The following VWF variants were observed in gnomAD, a reference collection of about 807,000 sequenced individuals.
The protein encoded by VWF is von Willebrand factor, also known as Factor VIII related antigen.
Under a neutral mutation model 308.6 loss-of-function variants are expected in VWF, and 176 were observed. The observed-to-expected ratio is 0.57, with a 90% confidence interval of 0.50 to 0.65. The LOEUF is 0.65. Among genes scored for constraint, VWF ranks in the 30% least tolerant of loss-of-function variants. VWF has a pLI of 0.00. For synonymous variants in VWF, 1,385 were observed against 1,443.4 expected (o/e 0.96, Z 0.92); for missense variants, 3,146 against 3,648.2 (o/e 0.86, Z 3.55).
chr12:6,003,885 G>A (rs962979930), intron 34 of VWF, among the ~76,000 whole-genome samples: 17 of 139,302 alleles, frequency 1.2e-4, no homozygotes, highest in East Asian at 6.4e-4. Flanking sequence ...GCAAGATCTC[G>A]GCTCACTACA....
At chr12:5,988,644 A>C (rs1311344150) in intron 38 of VWF, among the ~76,000 whole-genome samples, 2 of 152,200 alleles carry the variant, frequency 1.3e-5, no homozygotes, top group South Asian at 2.1e-4. Flanking sequence ...TGCCCAAGGC[A>C]GGGAAAAGAA....
intron 49 of VWF, 166 bp downstream of exon 49, chr12:5,952,225 T>C: frequency 9.9e-7 from 1 of 1,006,852 alleles, no homozygotes; most frequent in South Asian, 1.4e-5. Flanking sequence ...CAGAGAATTT[T>C]ATCTCTCCGT....
At position 6,064,315 on chromosome 12, in the gene VWF, G is replaced by C; in HGVS notation, c.1363C>G (p.Leu455Val). 6.2e-7 allele frequency: 1 copy of C among 1,614,178 alleles called. No individual in the cohort carries two copies. Among genetic ancestry groups the C allele is most frequent in the Non-Finnish European group, 8.5e-7 (1 of 1,180,040 alleles). ...CCTGCCCCATGCTTCAGTTTCACAAGGCTGTTGTGCAGGCCAGGCAGCCGG... is the reference window on the plus strand; with the variant it reads ...CCTGCCCCATGCTTCAGTTTCACAACGCTGTTGTGCAGGCCAGGCAGCCGG... ...TVRLPGLHNS[L>V]VKLKHGAGVA... The change falls in exon 12 of 52, where the codon CTT becomes GTT. Residue 455 changes from leucine to valine, a missense_variant. Transcript: ENST00000261405.
chr12:6,003,976 C>T (rs1943901294), intron 34 of VWF, among the ~76,000 whole-genome samples: 2 of 151,880 alleles, frequency 1.3e-5, no homozygotes, highest in South Asian at 2.1e-4. Context: ...CCACCACGCC[C>T]GGCTAATTTT....
intron 16 of VWF, among the ~76,000 whole-genome samples, chr12:6,051,612 T>C (rs1358985588): frequency 1.3e-5 from 2 of 152,178 alleles, no homozygotes; most frequent in South Asian, 2.1e-4. Context: ...TAGTAGACTA[T>C]CAGGTACTGT....
At position 5,991,877 on chromosome 12, in the gene VWF, C is replaced by T; in HGVS notation, c.6740G>A (p.Ser2247Asn). 1 of 1,614,252 alleles carries T rather than the reference C, an allele frequency of 6.2e-7. No individual in the cohort carries two copies. The highest frequency in any genetic ancestry group is 8.5e-7 in the Non-Finnish European group (1 of 1,180,050). The change falls in exon 38 of 52, where the codon AGC becomes AAC. Residue 2247 changes from serine to asparagine, a missense_variant. Ser to Asn is a conservative substitution (Grantham distance 46). Around this residue, in one of 3 missense-constraint regions of VWF, gnomAD observed 989 missense variants for 1,117.4 expected, o/e 0.89. Coordinates refer to ENST00000261405, the MANE Select transcript of VWF (RefSeq NM_000552.5). The stretch of plus-strand genomic sequence containing the variant: ...AGTGCAGGCCTCTTCAGGGACACAG[C>T]TGCCTTCCAACATGACTTTATCTGG... ...CPPDKVMLEG[S>N]CVPEEACTQC... is the part of the protein sequence containing the mutation.
At chr12:6,116,846 G>A (rs1945372578) in intron 3 of VWF, among the ~76,000 whole-genome samples, 2 of 152,334 alleles carry the variant, frequency 1.3e-5, no homozygotes, top group South Asian at 4.1e-4. Context: ...CACTCGGGAG[G>A]AATGTGGATG....
chr12:6,052,475 T>C (rs1944526246), intron 16 of VWF, 68 bp downstream of exon 16: 1 of 1,612,246 alleles, frequency 6.2e-7, no homozygotes, highest in African/African-American at 1.3e-5. Context: ...AGTAAAGGAC[T>C]TGGGGGTCCC....
At chr12:6,007,560 G>T (rs1943942874) in intron 34 of VWF, among the ~76,000 whole-genome samples, 1 of 152,086 alleles carries the variant, frequency 6.6e-6, no homozygotes. Flanking sequence ...AAGCTTATGG[G>T]AAACAGCAAA....
At chr12:6,119,691 C>T (rs1945409095) in intron 3 of VWF, among the ~76,000 whole-genome samples, 1 of 152,028 alleles carries the variant, frequency 6.6e-6, no homozygotes, top group Non-Finnish European at 1.5e-5. Flanking sequence ...ACTAAAAATA[C>T]AAAAATTAGC....
At chr12:6,021,787 TCA>T (rs1944131669) in intron 27 of VWF, 111 bp downstream of exon 27, 1 of 1,193,010 alleles carries the variant, frequency 8.4e-7, no homozygotes, top group African/African-American at 1.5e-5. Context: ...TAAAATAAAC[TCA>T]GTCTCTCAAC....
chr12:5,949,826 C>G lies in VWF; in HGVS notation c.8213G>C (p.Ser2738Thr). The G allele has an allele frequency of 6.2e-7, 1 of 1,614,174 alleles. No individual in the cohort carries two copies. Among genetic ancestry groups the G allele is most frequent in the Middle Eastern group, 1.6e-4 (1 of 6,062 alleles). ...ATCCACCTCTACTTCAGACTTACAGCTTCCCACCTTGACATACTGCAGCCT... is the reference window on the plus strand; with the variant it reads ...ATCCACCTCTACTTCAGACTTACAGGTTCCCACCTTGACATACTGCAGCCT... Reference protein sequence around the residue: ...TARLQYVKVGSCKSEVEVDIH... With the variant: ...TARLQYVKVGTCKSEVEVDIH... The change falls in exon 51 of 52, where the codon AGC (serine) becomes ACC (threonine). Residue 2738 changes from serine to threonine, a missense_variant. This residue lies in a region of VWF where 989 missense variants were observed against 1,117.4 expected (regional missense o/e 0.89). Coordinates refer to ENST00000261405, the MANE Select transcript of VWF (RefSeq NM_000552.5).
chr12:6,082,170 T>G (rs1328341514), intron 6 of VWF, among the ~76,000 whole-genome samples: 2 of 152,162 alleles, frequency 1.3e-5, no homozygotes, highest in Non-Finnish European at 2.9e-5. Flanking sequence ...TTCCACCATG[T>G]TGGTCAGGCT....
Position 6,075,262 on chromosome 12 carries a change from C to T in VWF, c.874+73G>A. ...GCACATACGTGACACAGCCCCGAAG[C>T]ACCCTAAGGGACACCACCCAGGACA... On this transcript the variant is annotated intron_variant, in intron 7 of 51. Transcript: ENST00000261405. This position sits in a 1 kb window ranked among gnomAD's most constrained non-coding sequence, Gnocchi z 4.7. 6.3e-7 allele frequency: 1 copy of T among 1,583,946 alleles called. No homozygotes were observed. Among genetic ancestry groups the T allele is most frequent in the Non-Finnish European group, 8.6e-7 (1 of 1,157,256 alleles).
At chr12:6,052,421 G>C in intron 16 of VWF, 122 bp downstream of exon 16, 1 of 1,474,864 alleles carries the variant, frequency 6.8e-7, no homozygotes, top group Non-Finnish European at 9.4e-7. Flanking sequence ...TACAGTTCTG[G>C]ACAAGTCACT....
chr12:6,079,577 T>A (rs1313730260), intron 6 of VWF, among the ~76,000 whole-genome samples: 1 of 150,788 alleles, frequency 6.6e-6, no homozygotes, highest in Non-Finnish European at 1.5e-5. Context: ...ACCACTGCAC[T>A]CTAGCCTGGG....
At chr12:6,103,421 T>TATACAC (rs1356437936) in intron 5 of VWF, among the ~76,000 whole-genome samples, 16 of 117,616 alleles carry the variant, frequency 1.4e-4, no homozygotes, top group African/African-American at 8.4e-4. Context: ...CACACGTGTG[T>TATACAC]GTATACACAC....
chr12:6,031,375 G>A, intron 21 of VWF, 69 bp downstream of exon 21: 2 of 1,613,548 alleles, frequency 1.2e-6, no homozygotes, highest in Middle Eastern at 1.7e-4. Flanking sequence ...ATGAATGCTT[G>A]GAAAATGTTC....
chr12:6,002,172 A>G (rs1943878858), intron 34 of VWF, among the ~76,000 whole-genome samples: 1 of 151,990 alleles, frequency 6.6e-6, no homozygotes, highest in African/African-American at 2.4e-5. Context: ...ATTAAATAGA[A>G]AAGCACAAAA....
Sources: allele counts gnomAD v4.1 joint callset (sites outside exome capture counted in the v4.1 genomes callset), GRCh38; gene constraint gnomAD v4.1.1; regional missense constraint gnomAD v4.1.1; non-coding constraint Gnocchi (gnomAD v3.1); transcripts MANE v1.5; gene names NCBI Gene and HGNC (gene_info 2026-07-23, HGNC 2026-07-21).